Variants in PCDHGB4 observed in about 807,000 individuals in gnomAD.
PCDHGB4 encodes protocadherin gamma subfamily B, 4.
Under a neutral mutation model 60.5 loss-of-function variants are expected in PCDHGB4, and 38 were observed. That is an observed-to-expected ratio of 0.63 (90% CI 0.48 to 0.82). The LOEUF is 0.82. PCDHGB4 is among the 40% of genes least tolerant of loss of function. PCDHGB4 has a pLI of 0.00. For missense variants in PCDHGB4, 1,109 were observed against 1,209.6 expected (o/e 0.92, Z 1.23); for synonymous variants, 456 against 509.7 (o/e 0.89, Z 1.42).
rs531773756 is a variant in PCDHGB4 at position 141,417,037 on chromosome 5, TTA to T, written c.2397+26757_2397+26758del. On this transcript the variant is annotated intron_variant, in intron 1 of 3. Coordinates refer to ENST00000519479, the MANE Select transcript of PCDHGB4 (RefSeq NM_003736.4). ...ATTTTGAAAAATACAGGTTTTTTTT[TTA>T]AAAAAAACTGCTCTTGACATTGTAG... 5.9e-5 allele frequency: 9 copies of T among 151,574 alleles called. 1 individual carries two copies. Among genetic ancestry groups the T allele is most frequent in the Admixed American group, 2.0e-4 (3 of 15,204 alleles). The allele number at this position is 151,574 out of a possible 1,614,324, so 9.4% of individuals were successfully genotyped here.
rs754547223 is a variant in PCDHGB4 at position 141,511,148 on chromosome 5, AGTC to A, written c.2749_2751del (p.Ser917del). The A allele has an allele frequency of 7.4e-6, 12 of 1,614,202 alleles. No individual in the cohort carries two copies. The highest frequency in any genetic ancestry group is 1.0e-5 in the Non-Finnish European group (12 of 1,180,016). ...GCAGGTGGCAATGGCAACAAGAAGA[AGTC>A]GGGCAAGAAGGAGAAGAAGTAACAT... On this transcript the variant is annotated inframe_deletion, in exon 4 of 4. Coordinates refer to ENST00000519479, the MANE Select transcript of PCDHGB4 (RefSeq NM_003736.4).
chr5:141,420,956 T>C lies in PCDHGB4; in HGVS notation c.2397+30675T>C, dbSNP rs17097281. 2.2e-3 allele frequency: 904 copies of C among 416,864 alleles called. 5 individuals carry two copies. The highest frequency in any genetic ancestry group is 0.016 in the African/African-American group (760 of 48,560). 25.8% of individuals were successfully genotyped at this position (416,864 alleles called of 1,614,324 possible). A position where few individuals can be genotyped will look rare whatever the true frequency, so the allele number is the denominator to read the frequency against. Reference sequence around the variant, plus strand: ...AATCATTTCTTCTGGAATTTCTTAGTCGTTGCAATAATAAGAATGGGCTCT... The same window carrying C: ...AATCATTTCTTCTGGAATTTCTTAGCCGTTGCAATAATAAGAATGGGCTCT... On this transcript the variant is annotated intron_variant, in intron 1 of 3. Coordinates refer to ENST00000519479, the MANE Select transcript of PCDHGB4 (RefSeq NM_003736.4).
At chr5:141,456,984 C>T (rs374156327) in intron 1 of PCDHGB4, among the ~76,000 whole-genome samples, 1 of 152,082 alleles carries the variant, frequency 6.6e-6, no homozygotes, top group Admixed American at 6.6e-5. Flanking sequence ...AACAAACAAA[C>T]AAACAAAAAC....
chr5:141,405,822 T>C (rs1055689569), intron 1 of PCDHGB4, among the ~76,000 whole-genome samples: 2 of 151,888 alleles, frequency 1.3e-5, no homozygotes, highest in African/African-American at 4.8e-5. Flanking sequence ...CTGTCTGTAC[T>C]TAAGGTAGTA....
At chr5:141,403,579 C>T in intron 1 of PCDHGB4, 2 of 1,613,926 alleles carry the variant, frequency 1.2e-6, no homozygotes, top group South Asian at 1.1e-5. Flanking sequence ...CTGCCCACCA[C>T]CTGGTCCTCA....
rs771358768 is a variant in PCDHGB4, at chr5:141,390,182, A to G, written c.2298A>G (p.Lys766=). 5 of 1,613,870 alleles carry G rather than the reference A, an allele frequency of 3.1e-6. No homozygotes were observed. The highest frequency in any genetic ancestry group is 1.7e-6 in the Non-Finnish European group (2 of 1,179,898). ...HTGKTEFNFL[K]CSEQLSSGQD... is the part of the protein sequence containing the mutation. ...GAAAGACGGAGTTTAATTTCCTAAA[A>G]TGTAGTGAGCAGTTGAGTTCAGGAC... The change falls in exon 1 of 4, where the codon AAA becomes AAG. Residue 766 remains lysine, a synonymous_variant. Coordinates refer to ENST00000519479, the MANE Select transcript of PCDHGB4 (RefSeq NM_003736.4).
At chr5:141,398,908 G>C (rs2093725359) in intron 1 of PCDHGB4, 1 of 1,613,860 alleles carries the variant, frequency 6.2e-7, no homozygotes, top group South Asian at 1.1e-5. Flanking sequence ...AGGCACCACT[G>C]TGTTGCAAGT....
chr5:141,433,571 C>T lies in PCDHGB4; in HGVS notation c.2397+43290C>T, dbSNP rs2097625242. ...TCTTTTCTGGCTGGGCGCGGTGGCT[C>T]ACGCCTGTAATCCCAGTACTTTGGG... On this transcript the variant is annotated intron_variant, in intron 1 of 3. Coordinates refer to ENST00000519479, the MANE Select transcript of PCDHGB4 (RefSeq NM_003736.4). 3.9e-5 allele frequency among the ~76,000 whole-genome samples: 6 copies of T among 152,228 alleles called. No homozygotes were observed. The South Asian group carries it at 1.2e-3, about 32-fold the overall frequency.
chr5:141,486,452 G>T lies in PCDHGB4; in HGVS notation c.2398-8355G>T. 6.2e-7 allele frequency: 1 copy of T among 1,614,152 alleles called. No homozygotes were observed. Among genetic ancestry groups the T allele is most frequent in the Non-Finnish European group, 8.5e-7 (1 of 1,179,996 alleles). Reference sequence around the variant, plus strand: ...ATCTAGCTATGACATCATGGTCACTGCTTCTGATGCTGGGAACCCTCCTCT... The same window carrying T: ...ATCTAGCTATGACATCATGGTCACTTCTTCTGATGCTGGGAACCCTCCTCT... On this transcript the variant is annotated intron_variant, in intron 1 of 3. Coordinates refer to ENST00000519479, the MANE Select transcript of PCDHGB4 (RefSeq NM_003736.4). This position sits in a 1 kb window ranked among gnomAD's most constrained non-coding sequence, Gnocchi z 5.0.
intron 2 of PCDHGB4, among the ~76,000 whole-genome samples, chr5:141,496,628 C>T (rs928402582): frequency 2.0e-5 from 3 of 152,212 alleles, no homozygotes; most frequent in Non-Finnish European, 2.9e-5. Flanking sequence ...GATCAAAAGG[C>T]TTGGGCTGCC....
At chr5:141,409,294 G>T (rs1438036410) in intron 1 of PCDHGB4, 11 of 1,613,826 alleles carry the variant, frequency 6.8e-6, no homozygotes, top group South Asian at 1.1e-5. Flanking sequence ...CTCCAGGAAT[G>T]GTTGTTGCCC....
At chr5:141,393,553 A>G (rs377510269) in intron 1 of PCDHGB4, 2 of 1,613,810 alleles carry the variant, frequency 1.2e-6, no homozygotes, top group African/African-American at 2.7e-5. Context: ...CACCCGATTT[A>G]CCGAGTGAAA....
At chr5:141,439,947 T>C (rs2098140958) in intron 1 of PCDHGB4, 1 of 152,516 alleles carries the variant, frequency 6.6e-6, no homozygotes, top group Non-Finnish European at 1.5e-5. Flanking sequence ...TTCTCTATGA[T>C]GCAGATCCGT....
At chr5:141,416,434 A>G (rs2096024040) in intron 1 of PCDHGB4, 1 of 152,222 alleles carries the variant, frequency 6.6e-6, no homozygotes, top group African/African-American at 2.4e-5. Context: ...CTAAGGCTGA[A>G]AGTAAATATG....
intron 1 of PCDHGB4, chr5:141,400,330 G>A (rs2094004189): frequency 6.2e-7 from 1 of 1,614,082 alleles, no homozygotes; most frequent in Admixed American, 1.7e-5. Flanking sequence ...TGGACCTGTG[G>A]TTCCCCCCAA....
Position 141,491,302 on chromosome 5 carries a change from T to TC in PCDHGB4, c.2398-3504dup. The TC allele has an allele frequency of 6.2e-7, 1 of 1,614,126 alleles. No individual in the cohort carries two copies. Among genetic ancestry groups the TC allele is most frequent in the Non-Finnish European group, 8.5e-7 (1 of 1,180,000 alleles). On this transcript the variant is annotated intron_variant, in intron 1 of 3. Transcript: ENST00000519479. The surrounding 1 kb of genome is among the most constrained non-coding windows in gnomAD (Gnocchi z 6.9). ...CTTCCTCATACACCCTCCTGAGCGT[T>TC]CAGACCTTACCCTTTACCTCATTGT... is the stretch of plus-strand genomic sequence containing the variant.
chr5:141,399,865 C>T, intron 1 of PCDHGB4: 1 of 1,612,866 alleles, frequency 6.2e-7, no homozygotes, highest in African/African-American at 1.3e-5. Flanking sequence ...CGCTGCAGAG[C>T]CCGGCTACCT....
chr5:141,408,725 A>G, intron 1 of PCDHGB4: 1 of 1,610,988 alleles, frequency 6.2e-7, no homozygotes, highest in Non-Finnish European at 8.5e-7. Context: ...GATAAACTCT[A>G]ATCCTTATTT....
intron 1 of PCDHGB4, chr5:141,404,534 T>A: frequency 6.2e-7 from 1 of 1,613,954 alleles, no homozygotes; most frequent in Non-Finnish European, 8.5e-7. Context: ...GTTTAGAGAT[T>A]TGCAAATGCA....
Sources: gnomAD v4.1 joint callset for allele counts (sites outside exome capture counted in the v4.1 genomes callset) on GRCh38, gnomAD v4.1.1 for gene constraint, Gnocchi (gnomAD v3.1) non-coding constraint, MANE v1.5 for transcripts, NCBI Gene and HGNC (gene_info 2026-07-23, HGNC 2026-07-21) for gene names.